Variants in PLCB4 observed in about 807,000 individuals in gnomAD.
PLCB4 encodes 1-phosphatidylinositol 4,5-bisphosphate phosphodiesterase beta-4.
PLCB4 carries 77 observed loss-of-function variants against 178.8 expected under a neutral mutation model. That is an observed-to-expected ratio of 0.43 (90% confidence interval 0.36 to 0.52). The LOEUF is 0.52. Among genes scored for constraint, PLCB4 ranks in the 20% least tolerant of loss-of-function variants. The probability of loss-of-function intolerance (pLI) is 0.00; values close to 1 mark genes in which losing one functional copy is unlikely to be tolerated. For synonymous variants in PLCB4, 496 were observed against 490.8 expected, an observed-to-expected ratio of 1.01 and a Z score of -0.14; for missense variants, 1,024 against 1,453.4, an observed-to-expected ratio of 0.70 and a Z score of 4.80.
intron 12 of PLCB4, among the ~76,000 whole-genome samples, chr20:9,375,574 C>T (rs745479969): frequency 5.3e-5 from 8 of 152,186 alleles, no homozygotes; most frequent in Non-Finnish European, 8.8e-5. Flanking sequence ...ACATATCAGA[C>T]AGATGCCTCT....
rs182420993 is a variant in PLCB4 at position 9,095,957 on chromosome 20, T to C, written c.-134-330T>C. Among the ~76,000 whole-genome samples, 15 of 152,324 alleles carry C rather than the reference T, an allele frequency of 9.8e-5. No individual in the cohort carries two copies. The East Asian group carries it at 2.1e-3, about 22-fold the overall frequency. On this transcript the variant is annotated intron_variant, in intron 1 of 39. Coordinates refer to ENST00000378473, the MANE Select transcript of PLCB4 (RefSeq NM_001377142.1). ...TTGTTTATACATTTACTTTATGGAA[T>C]TAAGCAAAATGTTTGAAAATATGTC... is the stretch of plus-strand genomic sequence containing the variant.
intron 2 of PLCB4, among the ~76,000 whole-genome samples, chr20:9,107,678 G>C (rs2091417754): frequency 6.6e-6 from 1 of 152,072 alleles, no homozygotes; most frequent in African/African-American, 2.4e-5. Context: ...GGGTCTTATA[G>C]TCTTCTGTGT....
intron 4 of PLCB4, among the ~76,000 whole-genome samples, chr20:9,335,913 CT>C (rs1201974029): frequency 6.6e-6 from 1 of 152,146 alleles, no homozygotes; most frequent in Non-Finnish European, 1.5e-5. Context: ...TTGAAGGCTG[CT>C]TTGTTCAGGG....
chr20:9,093,417 C>T (rs1759837281), intron 1 of PLCB4, among the ~76,000 whole-genome samples: 1 of 152,180 alleles, frequency 6.6e-6, no homozygotes, highest in South Asian at 2.1e-4. Flanking sequence ...CCATAATACT[C>T]CCTTTTCCAG....
At chr20:9,136,948 G>A (rs1287977990) in intron 2 of PLCB4, among the ~76,000 whole-genome samples, 1 of 152,054 alleles carries the variant, frequency 6.6e-6, no homozygotes, top group Non-Finnish European at 1.5e-5. Context: ...CAGGCAGTGG[G>A]AGCTTCTAGA....
rs749161460 is a variant in PLCB4 at position 9,395,484 on chromosome 20, A to G, written c.1415-39A>G. On this transcript the variant is annotated intron_variant, in intron 18 of 39. Coordinates refer to ENST00000378473, the MANE Select transcript of PLCB4 (RefSeq NM_001377142.1). ...AAGGCCTAGGGTTTGTATGTTACCTAGCATCTGTCACCATCTCTTTGCGTG... is the reference window on the plus strand; with the variant it reads ...AAGGCCTAGGGTTTGTATGTTACCTGGCATCTGTCACCATCTCTTTGCGTG... The G allele has an allele frequency of 3.6e-6, 5 of 1,373,268 alleles. No homozygotes were observed. In the Admixed American group the frequency reaches 6.7e-5, roughly 18 times the overall value. 85.1% of individuals were successfully genotyped at this position (1,373,268 alleles called of 1,614,324 possible). A position where few individuals can be genotyped will look rare whatever the true frequency, so the allele number is the denominator to read the frequency against.
intron 2 of PLCB4, among the ~76,000 whole-genome samples, chr20:9,119,371 T>G (rs1340251222): frequency 6.6e-6 from 1 of 152,174 alleles, no homozygotes; most frequent in Non-Finnish European, 1.5e-5. Context: ...AAAGTACTTC[T>G]TATCTGTCAC....
chr20:9,180,450 T>C (rs1175009600), intron 2 of PLCB4, among the ~76,000 whole-genome samples: 2 of 152,156 alleles, frequency 1.3e-5, no homozygotes, highest in African/African-American at 4.8e-5. Context: ...ATTTATTAGT[T>C]AGTGATCATA....
At chr20:9,147,687 G>C (rs1302794211) in intron 2 of PLCB4, among the ~76,000 whole-genome samples, 1 of 152,064 alleles carries the variant, frequency 6.6e-6, no homozygotes, top group Admixed American at 6.6e-5. Flanking sequence ...TATACTCCTG[G>C]CTATGGCAGA....
In PLCB4 at chr20:9,476,743, C is replaced by A; in HGVS notation, c.3522C>A (p.Ser1174=). ...TTTTGAAATCCTGTCATGCAGTGTC[C>A]CAAACGCAAGGTAGGACCGAAACTC... The part of the protein sequence containing the change: ...EQLLKSCHAV[S]QTQGEGDAAD... Residue 1174 remains serine (S), a synonymous_variant, in exon 39 of 40, where the codon TCC becomes TCA. Coordinates refer to ENST00000378473, the MANE Select transcript of PLCB4 (RefSeq NM_001377142.1). 1 of 1,609,270 alleles carries A rather than the reference C, an allele frequency of 6.2e-7. No individual in the cohort carries two copies. The highest frequency in any genetic ancestry group is 8.5e-7 in the Non-Finnish European group (1 of 1,176,008).
At chr20:9,472,651 A>C (rs1215964520) in intron 36 of PLCB4, 139 bp from the exon 37 acceptor site, 1 of 499,816 alleles carries the variant, frequency 2.0e-6, no homozygotes, top group Admixed American at 3.8e-5. Context: ...ATATGTTTGA[A>C]AATACTGCAA....
chr20:9,072,247 A>G (rs2089611630), intron 1 of PLCB4, among the ~76,000 whole-genome samples: 1 of 152,182 alleles, frequency 6.6e-6, no homozygotes, highest in Non-Finnish European at 1.5e-5. Flanking sequence ...AGTGCTGTCC[A>G]TTCCACATTT....
At chr20:9,174,046 A>G (rs189488094) in intron 2 of PLCB4, among the ~76,000 whole-genome samples, 1 of 152,314 alleles carries the variant, frequency 6.6e-6, no homozygotes, top group Non-Finnish European at 1.5e-5. Context: ...TTATTTTTAA[A>G]TGCTATATTA....
In PLCB4 at chr20:9,478,901, C is replaced by G; in HGVS notation, c.3533-20C>G. On this transcript the variant is annotated intron_variant, in intron 39 of 39. Coordinates refer to ENST00000378473, the MANE Select transcript of PLCB4 (RefSeq NM_001377142.1). ...GATAAGGATTTCAACACACGTAAGG[C>G]CATGTTTCTGATGTTATAGGCGAAG... The G allele has an allele frequency of 2.5e-6, 4 of 1,594,190 alleles. No individual in the cohort carries two copies. The highest frequency in any genetic ancestry group is 3.4e-6 in the Non-Finnish European group (4 of 1,162,106).
At chr20:9,181,418 T>C (rs1290117685) in intron 2 of PLCB4, among the ~76,000 whole-genome samples, 2 of 152,130 alleles carry the variant, frequency 1.3e-5, no homozygotes, top group Non-Finnish European at 2.9e-5. Flanking sequence ...TGTTTTTCCC[T>C]ATACCTTCTG....
intron 2 of PLCB4, among the ~76,000 whole-genome samples, chr20:9,111,861 G>A (rs147157241): frequency 1.3e-5 from 2 of 152,232 alleles, no homozygotes; most frequent in African/African-American, 4.8e-5. Flanking sequence ...GATTTAAAAT[G>A]GGATATTGCC....
chr20:9,147,138 C>T (rs1004935079), intron 2 of PLCB4, among the ~76,000 whole-genome samples: 4 of 152,004 alleles, frequency 2.6e-5, no homozygotes, highest in Non-Finnish European at 4.4e-5. Context: ...GGGGAGAATC[C>T]GATTAGGGAA....
At chr20:9,301,887 G>A (rs1201974158) in intron 3 of PLCB4, among the ~76,000 whole-genome samples, 4 of 152,140 alleles carry the variant, frequency 2.6e-5, no homozygotes, top group African/African-American at 4.8e-5. Flanking sequence ...TTAGAACAAT[G>A]CGACTATTTA....
At chr20:9,368,465 G>T (rs182436329) in intron 9 of PLCB4, among the ~76,000 whole-genome samples, 51 of 152,262 alleles carry the variant, frequency 3.3e-4, no homozygotes, top group African/African-American at 1.2e-3. Flanking sequence ...GAAGTGAGTA[G>T]CCAGACAGTA....
Sources: allele counts gnomAD v4.1 joint callset (sites outside exome capture counted in the v4.1 genomes callset), GRCh38; gene constraint gnomAD v4.1.1; transcripts MANE v1.5; gene names NCBI Gene and HGNC (gene_info 2026-07-23, HGNC 2026-07-21).